The following ALK variants were observed in gnomAD, a reference collection of about 807,000 sequenced individuals.
The protein encoded by ALK is ALK receptor tyrosine kinase.
A neutral mutation model predicts 163.1 loss-of-function variants in ALK; 74 were observed. The observed-to-expected ratio is 0.45, with a 90% CI of 0.38 to 0.55. The LOEUF (loss-of-function observed/expected upper bound fraction) is 0.55, where lower values mean the gene tolerates loss of function less well. ALK is among the 20% of genes least tolerant of loss of function. ALK has a pLI of 0.00. For synonymous variants in ALK, 960 were observed against 843.2 expected (o/e 1.14, Z -2.40); for missense variants, 2,063 against 2,105.3 (o/e 0.98, Z 0.39).
At chr2:29,666,711 T>A (rs529063957) in intron 3 of ALK, among the ~76,000 whole-genome samples, 2 of 152,126 alleles carry the variant, frequency 1.3e-5, no homozygotes, top group African/African-American at 4.8e-5. Flanking sequence ...CTTATTCTTT[T>A]AAAAAAAATT....
At position 29,207,164 on chromosome 2, in the gene ALK, G is replaced by A. The variant is rs1553390731; in HGVS notation, c.3938+7C>T. 6.2e-7 allele frequency: 1 copy of A among 1,609,404 alleles called. No individual in the cohort carries two copies. Among genetic ancestry groups the A allele is most frequent in the Non-Finnish European group, 8.5e-7 (1 of 1,175,762 alleles). ...CAGGGATACCTGGAGGATGATGGCT[G>A]ACTTACCATGTGTCTGTTTTAGAAG... On this transcript the variant is annotated splice_region_variant and intron_variant, in intron 26 of 28. Transcript: ENST00000389048.
In ALK at chr2:29,322,374, C is replaced by T. The variant is rs1667085989; in HGVS notation, c.1415-1492G>A. 2.0e-5 allele frequency among the ~76,000 whole-genome samples: 3 copies of T among 151,940 alleles called. No individual in the cohort carries two copies. The South Asian group carries it at 6.2e-4, about 31-fold the overall frequency. ...TTATACCCCCCTGAAGAAATAATTT[C>T]CCCCTAAGCCCCACATGTTTCTATG... On this transcript the variant is annotated intron_variant, in intron 6 of 28. Coordinates refer to ENST00000389048, the MANE Select transcript of ALK (RefSeq NM_004304.5).
chr2:29,484,116 G>A (rs4536610), intron 4 of ALK, among the ~76,000 whole-genome samples: 59,159 of 151,950 alleles, frequency 0.39, 12,188 homozygotes, highest in Non-Finnish European at 0.45. Flanking sequence ...TTCAGTTACT[G>A]CCCACTGGAT....
chr2:29,264,427 A>G (rs1358513), intron 11 of ALK, among the ~76,000 whole-genome samples: 109,704 of 152,220 alleles, frequency 0.72, 40,678 homozygotes, highest in Non-Finnish European at 0.8. Context: ...CTTGGCCACC[A>G]CCACCCCTGT....
At chr2:29,736,668 T>C (rs1169614225) in intron 1 of ALK, among the ~76,000 whole-genome samples, 1 of 152,066 alleles carries the variant, frequency 6.6e-6, no homozygotes, top group Non-Finnish European at 1.5e-5. Flanking sequence ...GAGTGCCTTA[T>C]GTAGTGTCGA....
At chr2:29,459,927 T>C (rs778986126) in intron 4 of ALK, among the ~76,000 whole-genome samples, 1 of 152,208 alleles carries the variant, frequency 6.6e-6, no homozygotes, top group African/African-American at 2.4e-5. Context: ...AGTATTATAA[T>C]GATTAAAATC....
At chr2:29,568,974 C>T (rs886696101) in intron 3 of ALK, among the ~76,000 whole-genome samples, 12 of 147,214 alleles carry the variant, frequency 8.2e-5, no homozygotes, top group Admixed American at 6.1e-4. Flanking sequence ...TTGGGTGGGA[C>T]AGGGCGGGGG....
intron 9 of ALK, among the ~76,000 whole-genome samples, chr2:29,278,329 G>A (rs771315166): frequency 6.6e-6 from 1 of 152,172 alleles, no homozygotes; most frequent in Non-Finnish European, 1.5e-5. Flanking sequence ...TTATTTCAGG[G>A]AAAATGGAGA....
chr2:29,298,844 T>G lies in ALK; in HGVS notation c.1648-1787A>C, dbSNP rs1005692199. On this transcript the variant is annotated intron_variant, in intron 8 of 28. Transcript: ENST00000389048. ...GTCTTCCACGTTAGCCCAGCTCATT[T>G]TCTCTCCCCCAGTCCTTGCTCTTTT... Among the ~76,000 whole-genome samples, 7 of 152,200 alleles carry G rather than the reference T, an allele frequency of 4.6e-5. 1 individual carries two copies. The South Asian group carries it at 1.5e-3, about 32-fold the overall frequency.
Position 29,595,838 on chromosome 2 carries a change from A to C in ALK, c.953-63722T>G, listed in dbSNP as rs533856904. On this transcript the variant is annotated intron_variant, in intron 3 of 28. Coordinates refer to ENST00000389048, the MANE Select transcript of ALK (RefSeq NM_004304.5). Reference sequence around the variant, plus strand: ...GTAGCTCAGAAGGGGAGGCACAGGGAATAAGTTTTCTGAAGCTGAGAGAAT... The same window carrying C: ...GTAGCTCAGAAGGGGAGGCACAGGGCATAAGTTTTCTGAAGCTGAGAGAAT... 3.9e-5 allele frequency among the ~76,000 whole-genome samples: 6 copies of C among 152,328 alleles called. No homozygotes were observed. In the East Asian group the frequency reaches 7.7e-4, roughly 20 times the overall value.
intron 1 of ALK, among the ~76,000 whole-genome samples, chr2:29,839,464 C>G (rs1332706063): frequency 6.6e-6 from 1 of 152,110 alleles, no homozygotes; most frequent in Non-Finnish European, 1.5e-5. Context: ...CCAATTCAGA[C>G]CAGCAAAGCA....
Position 29,239,770 on chromosome 2 carries a change from G to A in ALK, c.2265C>T (p.His755=), listed in dbSNP as rs770603023. 29 of 1,613,894 alleles carry A rather than the reference G, an allele frequency of 1.8e-5. No homozygotes were observed. The Admixed American group carries it at 2.7e-4, about 15-fold the overall frequency. Reference sequence around the variant, plus strand: ...TGAAGATGCCCAGCACAGACACGCCGTGGGACCGCATCATGGTGTTCTTCC... The same window carrying A: ...TGAAGATGCCCAGCACAGACACGCCATGGGACCGCATCATGGTGTTCTTCC... ...KGGKNTMMRS[H]GVSVLGIFNL... The change falls in exon 13 of 29, where the codon CAC becomes CAT. Residue 755 remains histidine, a synonymous_variant. Coordinates refer to ENST00000389048, the MANE Select transcript of ALK (RefSeq NM_004304.5).
At chr2:29,676,546 T>A (rs1171763615) in intron 3 of ALK, among the ~76,000 whole-genome samples, 4 of 152,068 alleles carry the variant, frequency 2.6e-5, no homozygotes, top group South Asian at 2.1e-4. Flanking sequence ...AATATCACAC[T>A]GTCTTCATTA....
At chr2:29,682,983 C>T (rs923656222) in intron 3 of ALK, among the ~76,000 whole-genome samples, 5 of 152,146 alleles carry the variant, frequency 3.3e-5, no homozygotes, top group African/African-American at 4.8e-5. Flanking sequence ...CACAGCATCT[C>T]GCATATTTCC....
At chr2:29,489,907 G>A (rs1447718686) in intron 4 of ALK, among the ~76,000 whole-genome samples, 1 of 152,236 alleles carries the variant, frequency 6.6e-6, no homozygotes, top group African/African-American at 2.4e-5. Flanking sequence ...AGCAGGCAAT[G>A]CTCACACATG....
rs544096543 is a variant in ALK at position 29,537,498 on chromosome 2, T to G, written c.953-5382A>C. ...ACAGAATGCAAGAGTGAAGAAGGCTTGGCAGCTCCCATCTAAATGCCATAG... is the reference window on the plus strand; with the variant it reads ...ACAGAATGCAAGAGTGAAGAAGGCTGGGCAGCTCCCATCTAAATGCCATAG... On this transcript the variant is annotated intron_variant, in intron 3 of 28. Coordinates refer to ENST00000389048, the MANE Select transcript of ALK (RefSeq NM_004304.5). Among the ~76,000 whole-genome samples the G allele has an allele frequency of 1.4e-3, 217 of 152,348 alleles. 1 individual carries two copies. Among genetic ancestry groups the G allele is most frequent in the Middle Eastern group, 0.014 (4 of 294 alleles).
At chr2:29,502,546 C>T (rs1672214423) in intron 4 of ALK, among the ~76,000 whole-genome samples, 1 of 152,038 alleles carries the variant, frequency 6.6e-6, no homozygotes, top group African/African-American at 2.4e-5. Flanking sequence ...ATGTAAATTG[C>T]CATCAAACAA....
intron 1 of ALK, among the ~76,000 whole-genome samples, chr2:29,859,699 A>G (rs1022661902): frequency 6.6e-6 from 1 of 152,102 alleles, no homozygotes. Context: ...TGTGTCATAG[A>G]TTTCCAGCCT....
At chr2:29,890,200 C>A (rs926286441) in intron 1 of ALK, among the ~76,000 whole-genome samples, 2 of 152,142 alleles carry the variant, frequency 1.3e-5, no homozygotes, top group African/African-American at 4.8e-5. Flanking sequence ...TCAAGCAGAC[C>A]ATGTGCCACT....
Sources: allele counts gnomAD v4.1 joint callset (sites outside exome capture counted in the v4.1 genomes callset), GRCh38; gene constraint gnomAD v4.1.1; transcripts MANE v1.5; gene names NCBI Gene and HGNC (gene_info 2026-07-23, HGNC 2026-07-21).